SRPK2: variants seen among roughly 807,000 people sequenced by gnomAD.
The protein encoded by SRPK2 is SRSF protein kinase 2.
In SRPK2, 21 loss-of-function variants were observed where a neutral mutation model predicts 90.8. The observed-to-expected ratio is 0.23, with a 90% CI of 0.16 to 0.33. The LOEUF (loss-of-function observed/expected upper bound fraction) is 0.33, where lower values mean the gene tolerates loss of function less well. Ranked by LOEUF, SRPK2 falls within the 10% of genes least tolerant of loss-of-function variation. SRPK2 has a pLI of 1.00. For missense variants in SRPK2, 620 were observed against 869.0 expected, an observed-to-expected ratio of 0.71 and a Z score of 3.60; for synonymous variants, 288 against 311.1, an observed-to-expected ratio of 0.93 and a Z score of 0.78.
intron 2 of SRPK2, among the ~76,000 whole-genome samples, chr7:105,366,394 G>A (rs1204770212): frequency 1.5e-5 from 2 of 133,496 alleles, no homozygotes; most frequent in South Asian, 4.6e-4. Context: ...TTTTGAGACG[G>A]AGTGTCACCC....
rs1029077410 is a variant in SRPK2, at chr7:105,116,696, A to C, written c.*1142T>G. 41 of 152,668 alleles carry C rather than the reference A, an allele frequency of 2.7e-4. No homozygotes were observed. Among genetic ancestry groups the C allele is most frequent in the Admixed American group, 2.6e-4 (4 of 15,290 alleles). The allele number at this position is 152,668 out of a possible 1,614,324, so 9.5% of individuals were successfully genotyped here. A position where few individuals can be genotyped will look rare whatever the true frequency, so the allele number is the denominator to read the frequency against. On this transcript the variant is annotated 3_prime_UTR_variant, in exon 16 of 16. Coordinates refer to ENST00000393651, the MANE Select transcript of SRPK2 (RefSeq NM_182692.3). Reference sequence around the variant, plus strand: ...GAAATGCATAAACAAAACTGTGTGCAACCTGCAAAGGGAAAATCATTTTCT... The same window carrying C: ...GAAATGCATAAACAAAACTGTGTGCCACCTGCAAAGGGAAAATCATTTTCT...
chr7:105,121,155 C>G (rs1800293923), intron 15 of SRPK2, among the ~76,000 whole-genome samples: 1 of 152,078 alleles, frequency 6.6e-6, no homozygotes, highest in Non-Finnish European at 1.5e-5. Flanking sequence ...CGAGACCAAC[C>G]TGGCCAACAT....
intron 3 of SRPK2, among the ~76,000 whole-genome samples, chr7:105,184,445 T>A (rs1329540761): frequency 6.6e-6 from 1 of 152,204 alleles, no homozygotes; most frequent in African/African-American, 2.4e-5. Flanking sequence ...ATCTTTCAAG[T>A]CCATTTAACT....
chr7:105,351,358 C>G (rs1045527180), intron 2 of SRPK2, among the ~76,000 whole-genome samples: 3 of 151,930 alleles, frequency 2.0e-5, no homozygotes, highest in African/African-American at 7.3e-5. Flanking sequence ...CAGTCTTAAC[C>G]AGGCCCACCC....
At chr7:105,148,857 G>C (rs564219127) in intron 7 of SRPK2, among the ~76,000 whole-genome samples, 2 of 152,306 alleles carry the variant, frequency 1.3e-5, no homozygotes, top group East Asian at 3.9e-4. Flanking sequence ...GGGATCCAGG[G>C]CTCTGCAGGA....
At chr7:105,270,880 G>A (rs570387195) in intron 2 of SRPK2, among the ~76,000 whole-genome samples, 35 of 152,298 alleles carry the variant, frequency 2.3e-4, no homozygotes, top group Non-Finnish European at 4.4e-4. Context: ...GGGATGCCAT[G>A]AGCCCTCCCT....
Position 105,228,879 on chromosome 7 carries a change from G to A in SRPK2, c.72-25094C>T, listed in dbSNP as rs1013872399. ...TCACATGCTCCCTCCTGCAAGCGCT[G>A]GAGAATGGCAGGCTGAGTAAACAGG... On this transcript the variant is annotated intron_variant, in intron 2 of 15. Transcript: ENST00000393651. Among the ~76,000 whole-genome samples the A allele has an allele frequency of 3.9e-5, 6 of 152,338 alleles. No individual in the cohort carries two copies. The South Asian group carries it at 8.3e-4, about 21-fold the overall frequency.
In SRPK2 at chr7:105,270,309, C is replaced by T. The variant is rs891332731; in HGVS notation, c.72-66524G>A. 7.9e-5 allele frequency among the ~76,000 whole-genome samples: 12 copies of T among 152,068 alleles called. No individual in the cohort carries two copies. In the South Asian group the frequency reaches 8.3e-4, roughly 11 times the overall value. On this transcript the variant is annotated intron_variant, in intron 2 of 15. Coordinates refer to ENST00000393651, the MANE Select transcript of SRPK2 (RefSeq NM_182692.3). ...CTCACCTTGAGGATCAGGCACATGG[C>T]GCCACAGTGAGCCCTCAGCAGGGCC...
chr7:105,272,739 T>C (rs1033847022), intron 2 of SRPK2, among the ~76,000 whole-genome samples: 1 of 152,052 alleles, frequency 6.6e-6, no homozygotes, highest in African/African-American at 2.4e-5. Context: ...GAACCACATA[T>C]CCTCCATTTT....
chr7:105,157,078 AT>A (rs1383147258), intron 7 of SRPK2, among the ~76,000 whole-genome samples: 1 of 152,190 alleles, frequency 6.6e-6, no homozygotes, highest in African/African-American at 2.4e-5. Flanking sequence ...GGGACCGGGA[AT>A]TGGATGGGCT....
chr7:105,344,407 C>CTT lies in SRPK2; in HGVS notation c.71+44239_71+44240dup, dbSNP rs1178845367. 4.8e-4 allele frequency among the ~76,000 whole-genome samples: 28 copies of CTT among 58,502 alleles called. 1 individual carries two copies. Among genetic ancestry groups the CTT allele is most frequent in the African/African-American group, 8.6e-4 (14 of 16,356 alleles). The allele number at this position is 58,502 out of a possible 152,430, so 38.4% of individuals were successfully genotyped here. A position where few individuals can be genotyped will look rare whatever the true frequency, so the allele number is the denominator to read the frequency against. ...GGACCCCAGGTGTATGCAGCCACAC[C>CTT]TTTTTTTTTTTTTTTTTTTTTTTTT... On this transcript the variant is annotated intron_variant, in intron 2 of 15. Coordinates refer to ENST00000393651, the MANE Select transcript of SRPK2 (RefSeq NM_182692.3).
intron 2 of SRPK2, chr7:105,302,046 T>C: frequency 3.2e-6 from 5 of 1,564,882 alleles, no homozygotes; most frequent in Non-Finnish European, 4.4e-6. Flanking sequence ...GTTGATGTTG[T>C]GAAGCATTTA....
chr7:105,176,752 T>C (rs1445583350), intron 3 of SRPK2, among the ~76,000 whole-genome samples: 1 of 1,624 alleles, frequency 6.2e-4, no homozygotes, highest in Non-Finnish European at 3.3e-3. Context: ...TGTGTATATG[T>C]GTGTGTGTGT....
intron 2 of SRPK2, 141 bp from the exon 3 acceptor site, chr7:105,203,926 A>C (rs1021262965): frequency 9.1e-7 from 1 of 1,094,970 alleles, no homozygotes; most frequent in African/African-American, 1.7e-5. Context: ...CACTTCACCC[A>C]TTTTAGTTGA....
intron 2 of SRPK2, among the ~76,000 whole-genome samples, chr7:105,304,035 G>T (rs1477145526): frequency 6.6e-6 from 1 of 152,184 alleles, no homozygotes; most frequent in Non-Finnish European, 1.5e-5. Flanking sequence ...GGTATACTTT[G>T]CTGTACTACA....
intron 1 of SRPK2, among the ~76,000 whole-genome samples, chr7:105,396,804 A>AAG (rs1822341182): frequency 1.8e-5 from 1 of 54,854 alleles, no homozygotes; most frequent in Non-Finnish European, 4.6e-5. Flanking sequence ...GAGAAAGAGA[A>AAG]AGAAAGAAAG....
intron 2 of SRPK2, among the ~76,000 whole-genome samples, chr7:105,327,832 G>A (rs1442675298): frequency 1.3e-5 from 2 of 152,138 alleles, no homozygotes; most frequent in East Asian, 1.9e-4. Flanking sequence ...ACGGAGTCTC[G>A]CTCTGTCACC....
chr7:105,396,987 A>G (rs1328208489), intron 1 of SRPK2, among the ~76,000 whole-genome samples: 3 of 151,816 alleles, frequency 2.0e-5, no homozygotes, highest in Non-Finnish European at 2.9e-5. Context: ...TTTTATTTTT[A>G]TTTTTAGTGG....
intron 1 of SRPK2, chr7:105,399,130 A>G (rs1403363144): frequency 6.6e-6 from 1 of 152,212 alleles, no homozygotes; most frequent in Non-Finnish European, 1.5e-5. Flanking sequence ...TTAGTAGCTT[A>G]AAAAAATAAA....
Sources: gnomAD v4.1 joint callset for allele counts (sites outside exome capture counted in the v4.1 genomes callset) on GRCh38, gnomAD v4.1.1 for gene constraint, MANE v1.5 for transcripts, NCBI Gene and HGNC (gene_info 2026-07-23, HGNC 2026-07-21) for gene names.